UCHL1: variants seen among roughly 807,000 people sequenced by gnomAD.
UCHL1 encodes the protein ubiquitin C-terminal hydrolase L1, also known as ubiquitin carboxyl-terminal hydrolase isozyme L1.
A neutral mutation model predicts 33.3 loss-of-function variants in UCHL1; 5 were observed. The ratio of observed to expected loss-of-function variants is 0.15; its 90% CI spans 0.08 to 0.32. The LOEUF is 0.32. Ranked by LOEUF, UCHL1 falls within the 10% of genes least tolerant of loss-of-function variation. UCHL1 has a pLI of 1.00. For missense variants in UCHL1, 236 were observed against 280.0 expected (o/e 0.84, Z 1.12); for synonymous variants, 132 against 108.8 (o/e 1.21, Z -1.33).
chr4:41,263,693 A>G (rs1374530332), intron 7 of UCHL1, among the ~76,000 whole-genome samples: 1 of 152,242 alleles, frequency 6.6e-6, no homozygotes, highest in Non-Finnish European at 1.5e-5. Context: ...TCAAGCCAAG[A>G]TACGACCTAC....
chr4:41,265,584 A>G (rs201065258), intron 8 of UCHL1, among the ~76,000 whole-genome samples: 1 of 99,702 alleles, frequency 1.0e-5, no homozygotes, highest in African/African-American at 3.2e-5. Flanking sequence ...GTCTCAGAAG[A>G]AAAAAAAGAA....
chr4:41,259,342 C>T (rs1318739182), intron 3 of UCHL1, among the ~76,000 whole-genome samples: 1 of 152,192 alleles, frequency 6.6e-6, no homozygotes, highest in Non-Finnish European at 1.5e-5. Flanking sequence ...TGCTAGTAGA[C>T]TATTTACAGA....
Position 41,268,147 on chromosome 4 carries a change from T to TA in UCHL1, c.*78dup. 1 of 1,387,010 alleles carries TA rather than the reference T, an allele frequency of 7.2e-7. No individual in the cohort carries two copies. The allele number at this position is 1,387,010 out of a possible 1,614,324, so 85.9% of individuals were successfully genotyped here. ...AAAATATATACCCCCCCATGCAGTC[T>TA]AAAATGCTTCAGTACTTGTGAAACA... is the stretch of plus-strand genomic sequence containing the variant. On this transcript the variant is annotated 3_prime_UTR_variant, in exon 9 of 9. Coordinates refer to ENST00000284440, the MANE Select transcript of UCHL1 (RefSeq NM_004181.5).
At position 41,268,356 on chromosome 4, in the gene UCHL1, C is replaced by T; in HGVS notation, c.*283C>T. 1 of 490,862 alleles carries T rather than the reference C, an allele frequency of 2.0e-6. No individual in the cohort carries two copies. The highest frequency in any genetic ancestry group is 3.6e-5 in the Admixed American group (1 of 27,762). 30.4% of individuals were successfully genotyped at this position (490,862 alleles called of 1,614,324 possible). The stretch of plus-strand genomic sequence containing the variant: ...TTTAAATGGCTACTTTGGTTTCTGT[C>T]TGTAAGTTAAGACCTTGGATGTGGT... On this transcript the variant is annotated 3_prime_UTR_variant, in exon 9 of 9. Coordinates refer to ENST00000284440, the MANE Select transcript of UCHL1 (RefSeq NM_004181.5).
intron 2 of UCHL1, 62 bp from the exon 3 acceptor site, chr4:41,257,547 C>G: frequency 1.4e-6 from 2 of 1,438,502 alleles, no homozygotes; most frequent in Non-Finnish European, 1.8e-6. Flanking sequence ...GCCCCGCCCC[C>G]TGGCAGGTGC....
At chr4:41,266,583 C>T (rs1781157952) in intron 8 of UCHL1, among the ~76,000 whole-genome samples, 1 of 152,060 alleles carries the variant, frequency 6.6e-6, no homozygotes, top group Admixed American at 6.6e-5. Context: ...TATTAAAAAA[C>T]TTGGTAGAGG....
At chr4:41,267,936 T>C in intron 8 of UCHL1, 51 bp from the exon 9 acceptor site, 1 of 1,539,930 alleles carries the variant, frequency 6.5e-7, no homozygotes. Context: ...CTATGTGACT[T>C]TCATTTTGAG....
At chr4:41,257,925 C>T (rs1016645998) in intron 3 of UCHL1, among the ~76,000 whole-genome samples, 188 bp downstream of exon 3, 6 of 152,222 alleles carry the variant, frequency 3.9e-5, no homozygotes, top group African/African-American at 1.4e-4. Context: ...TGCCTGTCGC[C>T]TTCTTGCCCA....
Position 41,264,108 on chromosome 4 carries a change from C to T in UCHL1, c.532C>T (p.Arg178Ter), listed in dbSNP as rs2154087267. The T allele has an allele frequency of 6.2e-7, 1 of 1,614,208 alleles. No individual in the cohort carries two copies. The highest frequency in any genetic ancestry group is 8.5e-7 in the Non-Finnish European group (1 of 1,180,044). ...VDGHLYELDGRMPFPVNHGAS... is the reference protein window; with the variant it reads ...VDGHLYELDG ...GCCTGGCTTCTTTGTTACAGATGGA[C>T]GAATGCCTTTTCCGGTGAACCATGG... Residue 178 changes from arginine (R) to a stop codon, truncating the protein, a stop_gained, in exon 8 of 9, where the codon CGA (arginine) becomes TGA (stop). Transcript: ENST00000284440. LOFTEE classifies it high-confidence loss of function.
chr4:41,257,058 G>A (rs1227123247), intron 1 of UCHL1, 49 bp downstream of exon 1: 5 of 1,614,056 alleles, frequency 3.1e-6, no homozygotes, highest in East Asian at 2.2e-5. Context: ...CCGAGGGAGG[G>A]GGAGCCGAGT....
In UCHL1 at chr4:41,263,711, C is replaced by G. The variant is rs550132511; in HGVS notation, c.527-392C>G. 6.7e-4 allele frequency among the ~76,000 whole-genome samples: 102 copies of G among 152,332 alleles called. No homozygotes were observed. In the South Asian group the frequency reaches 0.021, roughly 32 times the overall value. On this transcript the variant is annotated intron_variant, in intron 7 of 8. Coordinates refer to ENST00000284440, the MANE Select transcript of UCHL1 (RefSeq NM_004181.5). ...AGCCAAGATACGACCTACAGGCTTACAAAGGCAAAGGAATAGTGAAGGCAA... is the reference window on the plus strand; with the variant it reads ...AGCCAAGATACGACCTACAGGCTTAGAAAGGCAAAGGAATAGTGAAGGCAA...
intron 8 of UCHL1, 177 bp downstream of exon 8, chr4:41,264,338 G>C: frequency 3.9e-6 from 3 of 768,936 alleles, no homozygotes; most frequent in Non-Finnish European, 6.6e-6. Flanking sequence ...ATTGCAAGTG[G>C]TTTTAAACAG....
At position 41,257,604 on chromosome 4, in the gene UCHL1, CG is replaced by C. The variant is rs1458635024; in HGVS notation, c.46-4del. The C allele has an allele frequency of 6.5e-7, 1 of 1,537,486 alleles. No individual in the cohort carries two copies. The highest frequency in any genetic ancestry group is 1.4e-5 in the African/African-American group (1 of 71,714). On this transcript the variant is annotated splice_polypyrimidine_tract_variant and splice_region_variant and intron_variant, in intron 2 of 8. Transcript: ENST00000284440. ...GCGCCTGGCCGCCTTGTCTCCTCTC[CG>C]CAGGTGCTGTCCCGGCTGGGGGTCG...
chr4:41,263,177 TA>T, intron 6 of UCHL1, 47 bp from the exon 7 acceptor site: 1 of 1,454,736 alleles, frequency 6.9e-7, no homozygotes, highest in East Asian at 2.3e-5. Flanking sequence ...AGATAATTTT[TA>T]AAATACAGCT....
intron 3 of UCHL1, among the ~76,000 whole-genome samples, chr4:41,258,668 G>A (rs2154087128): frequency 6.6e-6 from 1 of 152,356 alleles, no homozygotes; most frequent in Middle Eastern, 3.4e-3. Flanking sequence ...TCTAAAGAGT[G>A]AGGTTAACTG....
intron 2 of UCHL1, 79 bp from the exon 3 acceptor site, chr4:41,257,530 C>A (rs1780998399): frequency 1.4e-6 from 2 of 1,383,942 alleles, no homozygotes; most frequent in Non-Finnish European, 1.9e-6. Flanking sequence ...AGGGCGCGCG[C>A]CTCCTGGCCC....
chr4:41,261,800 G>A lies in UCHL1; in HGVS notation c.411G>A (p.Glu137=). Residue 137 remains glutamate (E), a splice_region_variant and synonymous_variant, in exon 5 of 9, where the codon GAG becomes GAA. Transcript: ENST00000284440. The part of the protein sequence containing the change: ...EDRAKCFEKN[E]AIQAAHDAVA... ...GAGCAAAATGCTTTGAAAAGAATGA[G>A]GTAAGAGAACTTACAGAGCATGGCC... The A allele has an allele frequency of 6.2e-7, 1 of 1,614,056 alleles. No homozygotes were observed. The highest frequency in any genetic ancestry group is 1.1e-5 in the South Asian group (1 of 91,084).
At position 41,261,823 on chromosome 4, in the gene UCHL1, G is replaced by T. The variant is rs747678137; in HGVS notation, c.411+23G>T. ...GAGGTAAGAGAACTTACAGAGCATG[G>T]CCTTTAAATAACTCTAGAGATTTTT... On this transcript the variant is annotated intron_variant, in intron 5 of 8. Transcript: ENST00000284440. 19 of 1,614,106 alleles carry T rather than the reference G, an allele frequency of 1.2e-5. 1 individual carries two copies. In the South Asian group the frequency reaches 2.1e-4, roughly 18 times the overall value.
At position 41,257,369 on chromosome 4, in the gene UCHL1, C is replaced by T. The variant is rs1038091033; in HGVS notation, c.46-240C>T. 3 of 902,990 alleles carry T rather than the reference C, an allele frequency of 3.3e-6. No individual in the cohort carries two copies. In the South Asian group the frequency reaches 5.5e-5, roughly 16 times the overall value. The allele number at this position is 902,990 out of a possible 1,614,324, so 55.9% of individuals were successfully genotyped here. On this transcript the variant is annotated intron_variant, in intron 2 of 8. Coordinates refer to ENST00000284440, the MANE Select transcript of UCHL1 (RefSeq NM_004181.5). ...GGCGAGCGAGCGCCAGGCGGAGCTC[C>T]CGAGGGCGTGGCGCGGGCAGCACAG...
Sources: gnomAD v4.1 joint callset for allele counts (sites outside exome capture counted in the v4.1 genomes callset) on GRCh38, gnomAD v4.1.1 for gene constraint, MANE v1.5 for transcripts, NCBI Gene and HGNC (gene_info 2026-07-23, HGNC 2026-07-21) for gene names.